Variants in UNKL observed in about 807,000 individuals in gnomAD.
The protein encoded by UNKL is putative E3 ubiquitin-protein ligase UNKL.
A neutral mutation model predicts 78.0 loss-of-function variants in UNKL; 60 were observed. That is an observed-to-expected ratio of 0.77 (90% confidence interval 0.63 to 0.95). UNKL has a LOEUF of 0.95. Among genes scored for constraint, UNKL ranks in the 40% least tolerant of loss-of-function variants. The pLI is 0.00. For missense variants in UNKL, 1,159 were observed against 1,045.7 expected, an observed-to-expected ratio of 1.11 and a Z score of -1.49; for synonymous variants, 608 against 474.8, an observed-to-expected ratio of 1.28 and a Z score of -3.65.
At chr16:1,409,192 G>T (rs368342711) in intron 2 of UNKL, among the ~76,000 whole-genome samples, 1 of 152,176 alleles carries the variant, frequency 6.6e-6, no homozygotes. Context: ...GATTACAGGC[G>T]TGAGCCACCG....
intron 9 of UNKL, among the ~76,000 whole-genome samples, chr16:1,389,722 T>A (rs998496105): frequency 3.9e-5 from 6 of 152,216 alleles, no homozygotes; most frequent in Non-Finnish European, 5.9e-5. Flanking sequence ...GGAGGCAGCA[T>A]CTGCACCCGG....
chr16:1,412,830 G>T (rs549513399), intron 2 of UNKL, among the ~76,000 whole-genome samples: 1 of 152,302 alleles, frequency 6.6e-6, no homozygotes, highest in African/African-American at 2.4e-5. Context: ...GGCCAAGGAG[G>T]GAGGATCGCT....
intron 10 of UNKL, among the ~76,000 whole-genome samples, chr16:1,376,282 C>T (rs936828736): frequency 1.1e-4 from 15 of 135,746 alleles, no homozygotes; most frequent in African/African-American, 3.4e-4. Flanking sequence ...GGCTGGGGCA[C>T]GCTCCTCCTC....
intron 8 of UNKL, among the ~76,000 whole-genome samples, chr16:1,392,433 TCC>T (rs151218591): frequency 1.3e-5 from 2 of 150,232 alleles, no homozygotes; most frequent in African/African-American, 4.9e-5. Flanking sequence ...AACCCCCTCT[TCC>T]CCCCTCTTTT....
At chr16:1,398,679 G>GCCCCC in intron 5 of UNKL, 4 of 1,356,356 alleles carry the variant, frequency 2.9e-6, no homozygotes, top group Non-Finnish European at 3.8e-6. Flanking sequence ...TGTGGGGTCT[G>GCCCCC]CACCCCCCCA....
chr16:1,390,535 T>G, intron 9 of UNKL, 97 bp downstream of exon 9: 1 of 1,324,064 alleles, frequency 7.6e-7, no homozygotes, highest in Admixed American at 2.2e-5. Context: ...GCATGAGCGC[T>G]GCCCTAACGC....
chr16:1,392,801 A>G, intron 8 of UNKL, 90 bp downstream of exon 8: 1 of 1,451,904 alleles, frequency 6.9e-7, no homozygotes, highest in Non-Finnish European at 9.4e-7. Context: ...CCACGACCAC[A>G]TTGCTGAAAA....
At position 1,401,717 on chromosome 16, in the gene UNKL, A is replaced by C. The variant is rs746960201; in HGVS notation, c.465-16T>G. 4 of 1,601,706 alleles carry C rather than the reference A, an allele frequency of 2.5e-6. No individual in the cohort carries two copies. The South Asian group carries it at 4.4e-5, about 18-fold the overall frequency. On this transcript the variant is annotated splice_polypyrimidine_tract_variant and intron_variant, in intron 3 of 14. Coordinates refer to ENST00000389221, the MANE Select transcript of UNKL (RefSeq NM_001372107.1). Reference sequence around the variant, plus strand: ...CTGCAGCTCCCTGCAAGCCGAGGACACAGTGGTCACAGCTCTGCATCTGGA... The same window carrying C: ...CTGCAGCTCCCTGCAAGCCGAGGACCCAGTGGTCACAGCTCTGCATCTGGA...
At chr16:1,401,410 G>A (rs187640853) in intron 4 of UNKL, 158 bp downstream of exon 4, 3 of 963,628 alleles carry the variant, frequency 3.1e-6, no homozygotes, top group Admixed American at 3.8e-5. Flanking sequence ...CCCACCCCCT[G>A]TTGGGGAGGG....
chr16:1,394,021 C>T (rs1222831949), intron 7 of UNKL, 110 bp downstream of exon 7: 6 of 1,141,338 alleles, frequency 5.3e-6, no homozygotes, highest in African/African-American at 1.6e-5. Flanking sequence ...TGAGCTCCTG[C>T]CCGCCTTCCA....
intron 10 of UNKL, 131 bp from the exon 11 acceptor site, chr16:1,371,742 G>C: frequency 1.1e-6 from 1 of 946,448 alleles, no homozygotes; most frequent in Non-Finnish European, 1.5e-6. Context: ...GAGTTGCTGG[G>C]GCAGCCAGGG....
At position 1,367,318 on chromosome 16, in the gene UNKL, T is replaced by G. The variant is rs2035359552; in HGVS notation, c.1820A>C (p.Glu607Ala). The change falls in exon 14 of 15, where the codon GAG becomes GCG. Residue 607 changes from glutamate to alanine, a missense_variant. Physicochemically the swap from Glu to Ala is moderately radical, Grantham distance 107. Transcript: ENST00000389221. ...VCDAWQREAQ[E>A]AKERARVADS... ...GGCCACACGGGCACGCTCCTTGGCC[T>G]CCTGCGCCTCTCGCTGCCAGGCATC... 2 of 1,549,512 alleles carry G rather than the reference T, an allele frequency of 1.3e-6. No individual in the cohort carries two copies. Among genetic ancestry groups the G allele is most frequent in the East Asian group, 4.8e-5 (2 of 41,356 alleles).
intron 14 of UNKL, among the ~76,000 whole-genome samples, chr16:1,366,623 G>C (rs1432985917): frequency 6.6e-6 from 1 of 152,150 alleles, no homozygotes; most frequent in Non-Finnish European, 1.5e-5. Flanking sequence ...ACAGCCTCCT[G>C]GGGCCACCAC....
chr16:1,414,096 C>T (rs1270635505), intron 1 of UNKL, 41 bp from the exon 2 acceptor site: 5 of 1,509,726 alleles, frequency 3.3e-6, no homozygotes, highest in African/African-American at 1.4e-5. Context: ...TCCGGCAGCA[C>T]CTCCAGGGAC....
At position 1,399,141 on chromosome 16, in the gene UNKL, G is replaced by C; in HGVS notation, c.734+233C>G. On this transcript the variant is annotated intron_variant, in intron 5 of 14. Coordinates refer to ENST00000389221, the MANE Select transcript of UNKL (RefSeq NM_001372107.1). This position sits in a 1 kb window ranked among gnomAD's most constrained non-coding sequence, Gnocchi z 5.8. ...TGCCTGGCAGAGGGGCCCCGGTAGG[G>C]GACTGCATGGGAGACACTGAGCGTA... The C allele has an allele frequency of 8.9e-7, 1 of 1,121,448 alleles. No individual in the cohort carries two copies. The highest frequency in any genetic ancestry group is 1.2e-6 in the Non-Finnish European group (1 of 816,980). 69.5% of individuals were successfully genotyped at this position (1,121,448 alleles called of 1,614,324 possible). A position where few individuals can be genotyped will look rare whatever the true frequency, so the allele number is the denominator to read the frequency against.
At chr16:1,379,578 G>C in intron 10 of UNKL, 1 of 985,314 alleles carries the variant, frequency 1.0e-6, no homozygotes, top group Non-Finnish European at 1.2e-6. Context: ...TGACCGCCGA[G>C]TAACGAGACC....
intron 2 of UNKL, among the ~76,000 whole-genome samples, chr16:1,404,053 G>A (rs1219775963): frequency 2.6e-5 from 4 of 152,200 alleles, no homozygotes; most frequent in African/African-American, 4.8e-5. Flanking sequence ...CAGCAGCGAC[G>A]GAGACAAGGA....
chr16:1,379,724 G>A (rs981101127), intron 10 of UNKL: 4 of 860,938 alleles, frequency 4.6e-6, no homozygotes, highest in East Asian at 2.6e-4. Flanking sequence ...GCCCCGCCCC[G>A]CAACGTGACT....
chr16:1,384,092 G>A (rs2036716311), intron 10 of UNKL, among the ~76,000 whole-genome samples: 2 of 152,166 alleles, frequency 1.3e-5, no homozygotes, highest in Non-Finnish European at 2.9e-5. Flanking sequence ...AGGACAGAGA[G>A]GCAGGTTTGG....
Sources: gnomAD v4.1 joint callset for allele counts (sites outside exome capture counted in the v4.1 genomes callset) on GRCh38, gnomAD v4.1.1 for gene constraint, Gnocchi (gnomAD v3.1) non-coding constraint, MANE v1.5 for transcripts, NCBI Gene and HGNC (gene_info 2026-07-23, HGNC 2026-07-21) for gene names.